Variants in UVRAG observed in about 807,000 individuals in gnomAD.
UVRAG encodes UV radiation resistance associated, also known as UV radiation resistance-associated gene protein.
A neutral mutation model predicts 78.0 loss-of-function variants in UVRAG; 19 were observed. That is an observed-to-expected ratio of 0.24 (90% confidence interval 0.17 to 0.36). UVRAG has a LOEUF of 0.36. Among genes scored for constraint, UVRAG ranks in the 10% least tolerant of loss-of-function variants. The pLI is 1.00. For synonymous variants in UVRAG, 323 were observed against 324.6 expected, an observed-to-expected ratio of 1.00 and a Z score of 0.05; for missense variants, 740 against 853.8, an observed-to-expected ratio of 0.87 and a Z score of 1.66.
intron 10 of UVRAG, 133 bp from the exon 11 acceptor site, chr11:76,008,674 C>T (rs1854191400): frequency 6.2e-6 from 3 of 485,712 alleles, no homozygotes; most frequent in Non-Finnish European, 1.1e-5. Context: ...TACTCATCAT[C>T]CAGCTTCAAC....
rs183362720 is a variant in UVRAG at position 75,864,143 on chromosome 11, C to T, written c.270+2363C>T. ...TGATCTCAGCTCACTGCAACCTCCA[C>T]CTTGTGAGCTGAGGCGATCCTCTTA... On this transcript the variant is annotated intron_variant, in intron 3 of 14. Transcript: ENST00000356136. Among the ~76,000 whole-genome samples, 5 of 151,948 alleles carry T rather than the reference C, an allele frequency of 3.3e-5. No individual in the cohort carries two copies. In the South Asian group the frequency reaches 1.0e-3, roughly 32 times the overall value.
At chr11:76,028,015 T>A (rs768754031) in intron 12 of UVRAG, among the ~76,000 whole-genome samples, 3 of 152,156 alleles carry the variant, frequency 2.0e-5, no homozygotes, top group African/African-American at 2.4e-5. Context: ...ATTGAAGGTT[T>A]GTGGTAACCT....
chr11:75,974,596 G>A (rs913263096), intron 7 of UVRAG, among the ~76,000 whole-genome samples: 2 of 151,732 alleles, frequency 1.3e-5, no homozygotes, highest in Admixed American at 6.6e-5. Flanking sequence ...TCGATCTCCT[G>A]ACCTCACGAT....
chr11:75,856,849 C>T (rs998288701), intron 2 of UVRAG, among the ~76,000 whole-genome samples: 14 of 152,174 alleles, frequency 9.2e-5, no homozygotes, highest in Non-Finnish European at 2.1e-4. Context: ...TAGTAGGTAA[C>T]TTAAACTTGA....
intron 9 of UVRAG, among the ~76,000 whole-genome samples, 166 bp from the exon 10 acceptor site, chr11:76,007,368 G>C (rs1391392607): frequency 6.6e-6 from 1 of 152,152 alleles, no homozygotes; most frequent in Non-Finnish European, 1.5e-5. Flanking sequence ...ACTATTTGGA[G>C]ATAGGTCAAG....
At position 75,920,099 on chromosome 11, in the gene UVRAG, C is replaced by T. The variant is rs567792233; in HGVS notation, c.593+8060C>T. On this transcript the variant is annotated intron_variant, in intron 6 of 14. Transcript: ENST00000356136. ...GGAGTGCAATGGTGTGATTTTGGCT[C>T]GCTGCAACCTCCGCCTCTCCAGTTC... 8.0e-5 allele frequency among the ~76,000 whole-genome samples: 10 copies of T among 124,510 alleles called. No individual in the cohort carries two copies. In the East Asian group the frequency reaches 2.2e-3, roughly 28 times the overall value. The allele number at this position is 124,510 out of a possible 152,430, so 81.7% of individuals were successfully genotyped here. A position where few individuals can be genotyped will look rare whatever the true frequency, so the allele number is the denominator to read the frequency against.
chr11:76,023,923 G>C (rs1950287305), intron 12 of UVRAG, among the ~76,000 whole-genome samples: 1 of 152,080 alleles, frequency 6.6e-6, no homozygotes, highest in Admixed American at 6.6e-5. Flanking sequence ...ACATCATTTG[G>C]TTTGTTTAAT....
chr11:75,963,611 A>G (rs1220554489), intron 7 of UVRAG, among the ~76,000 whole-genome samples: 4 of 152,228 alleles, frequency 2.6e-5, no homozygotes, highest in Non-Finnish European at 5.9e-5. Context: ...AAAATGCAGC[A>G]AAGAAGGCAT....
intron 12 of UVRAG, among the ~76,000 whole-genome samples, chr11:76,035,256 T>G (rs1293844293): frequency 6.6e-6 from 1 of 152,208 alleles, no homozygotes; most frequent in Non-Finnish European, 1.5e-5. Flanking sequence ...TATAAGAATT[T>G]TGTATTATAT....
At chr11:75,833,962 C>T (rs1945719958) in intron 1 of UVRAG, among the ~76,000 whole-genome samples, 1 of 152,234 alleles carries the variant, frequency 6.6e-6, no homozygotes, top group African/African-American at 2.4e-5. Context: ...GAACATGTCA[C>T]TAGTGCTGCA....
intron 14 of UVRAG, among the ~76,000 whole-genome samples, chr11:76,123,041 G>A (rs186465772): frequency 6.6e-6 from 1 of 152,232 alleles, no homozygotes; most frequent in East Asian, 1.9e-4. Context: ...ATGGAACTGG[G>A]ACCAGAAACC....
At chr11:76,117,390 T>C (rs552040179) in intron 14 of UVRAG, among the ~76,000 whole-genome samples, 2 of 152,372 alleles carry the variant, frequency 1.3e-5, no homozygotes, top group Non-Finnish European at 2.9e-5. Flanking sequence ...GCATCTCTTT[T>C]GTAAACCAAG....
At chr11:76,094,111 A>G (rs957452826) in intron 13 of UVRAG, among the ~76,000 whole-genome samples, 1 of 152,160 alleles carries the variant, frequency 6.6e-6, no homozygotes, top group East Asian at 1.9e-4. Flanking sequence ...ATCTATTGAG[A>G]TAATCATGTG....
chr11:75,965,356 G>C (rs1322749510), intron 7 of UVRAG, among the ~76,000 whole-genome samples: 2 of 152,072 alleles, frequency 1.3e-5, no homozygotes, highest in African/African-American at 4.8e-5. Flanking sequence ...CTGTCGCCCA[G>C]GCTAGAGTGC....
intron 12 of UVRAG, among the ~76,000 whole-genome samples, chr11:76,034,474 C>G (rs1185528981): frequency 2.0e-5 from 3 of 152,186 alleles, no homozygotes; most frequent in African/African-American, 7.2e-5. Flanking sequence ...GCTGGGATTA[C>G]AGTCGTGAGC....
In UVRAG at chr11:76,016,958, A is replaced by C; in HGVS notation, c.1204A>C (p.Lys402Gln). ...AACAATCAAAGACAATATCAATGAC[A>C]AACTGACGGAAAAGGAGAGAGAGTA... The part of the protein sequence containing the change: ...RSTIKDNIND[K>Q]LTEKEREFPL... The change falls in exon 12 of 15, where the codon AAA becomes CAA. Residue 402 changes from lysine (K) to glutamine (Q), a missense_variant. Coordinates refer to ENST00000356136, the MANE Select transcript of UVRAG (RefSeq NM_003369.4). 6.2e-7 allele frequency: 1 copy of C among 1,605,244 alleles called. No homozygotes were observed. The highest frequency in any genetic ancestry group is 8.5e-7 in the Non-Finnish European group (1 of 1,175,358).
chr11:76,140,677 C>A, intron 14 of UVRAG, 34 bp from the exon 15 acceptor site: 1 of 1,535,002 alleles, frequency 6.5e-7, no homozygotes, highest in Non-Finnish European at 8.7e-7. Flanking sequence ...GTTCTGAAGT[C>A]CAAAGTAACT....
chr11:75,982,992 G>C (rs1591093149), intron 7 of UVRAG, among the ~76,000 whole-genome samples: 1 of 152,072 alleles, frequency 6.6e-6, no homozygotes, highest in South Asian at 2.1e-4. Flanking sequence ...TTTTTGTGTG[G>C]ACATGTGTTC....
At chr11:76,104,306 C>T (rs867352272) in intron 13 of UVRAG, among the ~76,000 whole-genome samples, 1 of 152,134 alleles carries the variant, frequency 6.6e-6, no homozygotes. Context: ...TTATCATCAT[C>T]GTTCTTAAGT....
Sources: gnomAD v4.1 joint callset for allele counts (sites outside exome capture counted in the v4.1 genomes callset) on GRCh38, gnomAD v4.1.1 for gene constraint, MANE v1.5 for transcripts, NCBI Gene and HGNC (gene_info 2026-07-23, HGNC 2026-07-21) for gene names.